The following GEN1 variants were observed in gnomAD, a reference collection of about 807,000 sequenced individuals.
GEN1 encodes the protein GEN1 structure-specific endonuclease.
In GEN1, 64 loss-of-function variants were observed where a neutral mutation model predicts 67.6. The ratio of observed to expected loss-of-function variants is 0.95; its 90% CI spans 0.77 to 1.17. The LOEUF is 1.17. Among genes scored for constraint, GEN1 ranks in the 50% most tolerant of loss-of-function variants. The pLI is 0.00. For synonymous variants in GEN1, 371 were observed against 359.4 expected, an observed-to-expected ratio of 1.03 and a Z score of -0.37; for missense variants, 1,058 against 1,048.3, an observed-to-expected ratio of 1.01 and a Z score of -0.13.
chr2:17,757,967 AATC>A, intron 1 of GEN1, among the ~76,000 whole-genome samples: 1 of 152,226 alleles, frequency 6.6e-6, no homozygotes, highest in East Asian at 1.9e-4. Flanking sequence ...CCTGAACTGT[AATC>A]ATCCCTAACA....
intron 6 of GEN1, among the ~76,000 whole-genome samples, chr2:17,769,342 T>C (rs1382944818): frequency 6.6e-6 from 1 of 151,248 alleles, no homozygotes; most frequent in African/African-American, 2.4e-5. Flanking sequence ...TTTCCCAAAG[T>C]GTTAGGATTA....
intron 7 of GEN1, among the ~76,000 whole-genome samples, chr2:17,772,423 G>T (rs1672234045): frequency 6.6e-6 from 1 of 151,976 alleles, no homozygotes. Context: ...AGTGTCATGT[G>T]ATAGTAATAG....
At chr2:17,761,370 A>T (rs750083011) in intron 2 of GEN1, 26 bp from the exon 3 acceptor site, 2 of 1,262,526 alleles carry the variant, frequency 1.6e-6, no homozygotes, top group African/African-American at 3.0e-5. Flanking sequence ...TTGATGATTA[A>T]TGTATTACTA....
chr2:17,776,653 G>A (rs6713901), intron 11 of GEN1, among the ~76,000 whole-genome samples: 27,223 of 152,176 alleles, frequency 0.18, 3,481 homozygotes, highest in African/African-American at 0.37. Context: ...AAAAAGATCA[G>A]CTATCTGATA....
rs1240306371 is a variant in GEN1, at chr2:17,765,206, ACT to A, written c.525+134_525+135del. 5 of 747,916 alleles carry A rather than the reference ACT, an allele frequency of 6.7e-6. No individual in the cohort carries two copies. In the African/African-American group the frequency reaches 9.0e-5, roughly 13 times the overall value. 46.3% of individuals were successfully genotyped at this position (747,916 alleles called of 1,614,324 possible). ...GTAGCAATTGCTAATTAAAATGCTT[ACT>A]GTTATTAAAAATCATTGCCACATAG... is the stretch of plus-strand genomic sequence containing the variant. On this transcript the variant is annotated intron_variant, in intron 4 of 13. Transcript: ENST00000381254.
In GEN1 at chr2:17,766,696, T is replaced by G. The variant is rs770678815; in HGVS notation, c.636+7T>G. On this transcript the variant is annotated splice_region_variant and intron_variant, in intron 5 of 13. Transcript: ENST00000381254. ...CTGTGATTATCTCCCAAAGGTAAGC[T>G]GAAATTGTCATATTTATTTGCTATT... 6.9e-7 allele frequency: 1 copy of G among 1,447,546 alleles called. No individual in the cohort carries two copies. The highest frequency in any genetic ancestry group is 1.4e-5 in the African/African-American group (1 of 71,348). The allele number at this position is 1,447,546 out of a possible 1,614,324, so 89.7% of individuals were successfully genotyped here.
At chr2:17,757,200 C>T (rs1480944632) in intron 1 of GEN1, among the ~76,000 whole-genome samples, 1 of 149,760 alleles carries the variant, frequency 6.7e-6, no homozygotes, top group Non-Finnish European at 1.5e-5. Flanking sequence ...GTTAAAAGCC[C>T]TCTTTATCTT....
chr2:17,780,083 A>G lies in GEN1; in HGVS notation c.1370A>G (p.Gln457Arg). 1 of 1,611,754 alleles carries G rather than the reference A, an allele frequency of 6.2e-7. No individual in the cohort carries two copies. Among genetic ancestry groups the G allele is most frequent in the East Asian group, 2.2e-5 (1 of 44,804 alleles). ...TATCCTGAGATCGTTGCTGTTTACCAAAAACAAAAGTTAGAAATTAAAGGG... is the reference window on the plus strand; with the variant it reads ...TATCCTGAGATCGTTGCTGTTTACCGAAAACAAAAGTTAGAAATTAAAGGG... ...AAYPEIVAVY[Q>R]KQKLEIKGKK... Residue 457 changes from glutamine to arginine, a missense_variant, in exon 13 of 14, where the codon CAA becomes CGA. Gln to Arg is a conservative substitution (Grantham distance 43). Coordinates refer to ENST00000381254, the MANE Select transcript of GEN1 (RefSeq NM_001130009.3).
chr2:17,778,199 TA>T, intron 12 of GEN1, 136 bp downstream of exon 12: 2 of 120,782 alleles, frequency 1.7e-5, no homozygotes, highest in South Asian at 3.8e-4. Context: ...CACACACACA[TA>T]TATGTGTATA....
chr2:17,776,094 T>C (rs1183290199), intron 11 of GEN1, among the ~76,000 whole-genome samples: 14 of 127,344 alleles, frequency 1.1e-4, no homozygotes, highest in African/African-American at 4.1e-4. Context: ...CCAAACTTGG[T>C]GACAGAGTGA....
Position 17,786,135 on chromosome 2 carries a change from T to G in GEN1, c.*4196T>G, listed in dbSNP as rs1233225388. 1 of 152,196 alleles carries G rather than the reference T, an allele frequency of 6.6e-6. No homozygotes were observed. 9.4% of individuals were successfully genotyped at this position (152,196 alleles called of 1,614,324 possible). A position where few individuals can be genotyped will look rare whatever the true frequency, so the allele number is the denominator to read the frequency against. ...ATTGTGCTGGGCCCTGGAGATACAG[T>G]GATCAATGGCATCCTATAAGGTTTT... On this transcript the variant is annotated 3_prime_UTR_variant, in exon 14 of 14. Coordinates refer to ENST00000381254, the MANE Select transcript of GEN1 (RefSeq NM_001130009.3).
chr2:17,765,885 A>G (rs531591030), intron 4 of GEN1, among the ~76,000 whole-genome samples: 2 of 152,044 alleles, frequency 1.3e-5, no homozygotes, highest in Admixed American at 1.3e-4. Context: ...TTTTGGAAGA[A>G]TATGCACCAA....
intron 6 of GEN1, among the ~76,000 whole-genome samples, chr2:17,770,261 AATT>A: frequency 6.6e-6 from 1 of 152,292 alleles, no homozygotes; most frequent in Middle Eastern, 3.4e-3. Flanking sequence ...TTTATTTTAT[AATT>A]ATCTATTATT....
At chr2:17,778,234 G>GTATACACACACACATA (rs1322526838) in intron 12 of GEN1, among the ~76,000 whole-genome samples, 171 bp downstream of exon 12, 1 of 143,306 alleles carries the variant, frequency 7.0e-6, no homozygotes, top group Non-Finnish European at 1.5e-5. Context: ...ACACATATAT[G>GTATACACACACACATA]TGTGTACATA....
rs73918903 is a variant in GEN1 at position 17,787,266 on chromosome 2, G to T, written c.*5327G>T. The T allele has an allele frequency of 6.6e-6, 1 of 152,014 alleles. No homozygotes were observed. The highest frequency in any genetic ancestry group is 1.5e-5 in the Non-Finnish European group (1 of 68,040). The allele number at this position is 152,014 out of a possible 1,614,324, so 9.4% of individuals were successfully genotyped here. On this transcript the variant is annotated 3_prime_UTR_variant, in exon 14 of 14. Transcript: ENST00000381254. ...CCACAAATATTAGCTGATGCCTGCC[G>T]TGTAGGAGGCACAATATTCCTTACT...
rs889226506 is a variant in GEN1 at position 17,764,526 on chromosome 2, T to C, written c.349-371T>C. Among the ~76,000 whole-genome samples, 3 of 152,332 alleles carry C rather than the reference T, an allele frequency of 2.0e-5. No individual in the cohort carries two copies. The South Asian group carries it at 6.2e-4, about 32-fold the overall frequency. ...ACACAAAAGTAACCCATCACTAATC[T>C]TAAACCATTATCTTGGCTCATCTTG... is the stretch of plus-strand genomic sequence containing the variant. On this transcript the variant is annotated intron_variant, in intron 3 of 13. Coordinates refer to ENST00000381254, the MANE Select transcript of GEN1 (RefSeq NM_001130009.3).
At chr2:17,778,216 G>GTA (rs1672564110) in intron 12 of GEN1, among the ~76,000 whole-genome samples, 153 bp downstream of exon 12, 6 of 136,242 alleles carry the variant, frequency 4.4e-5, no homozygotes, top group African/African-American at 1.7e-4. Flanking sequence ...GTATATATAT[G>GTA]TATACACACA....
In GEN1 at chr2:17,785,228, C is replaced by CA. The variant is rs530003672; in HGVS notation, c.*3289_*3290insA. On this transcript the variant is annotated 3_prime_UTR_variant, in exon 14 of 14. Coordinates refer to ENST00000381254, the MANE Select transcript of GEN1 (RefSeq NM_001130009.3). ...GAAAGGTTGGGGACTGCTGATATAC[C>CA]TAATATAGGCATAAGTGTAAAATTA... 4.4e-4 allele frequency: 67 copies of CA among 152,336 alleles called. No homozygotes were observed. Among genetic ancestry groups the CA allele is most frequent in the African/African-American group, 1.4e-3 (60 of 41,560 alleles). 9.4% of individuals were successfully genotyped at this position (152,336 alleles called of 1,614,324 possible).
In GEN1 at chr2:17,781,964, T is replaced by G. The variant is rs1204217921; in HGVS notation, c.*25T>G. On this transcript the variant is annotated 3_prime_UTR_variant, in exon 14 of 14. Coordinates refer to ENST00000381254, the MANE Select transcript of GEN1 (RefSeq NM_001130009.3). Reference sequence around the variant, plus strand: ...AAATTTAAAACACTTAGGTATAACTTAACTATTTTAGTACTATCAGCAATA... The same window carrying G: ...AAATTTAAAACACTTAGGTATAACTGAACTATTTTAGTACTATCAGCAATA... 7.6e-7 allele frequency: 1 copy of G among 1,314,924 alleles called. No homozygotes were observed. The highest frequency in any genetic ancestry group is 2.3e-5 in the Admixed American group (1 of 42,926). The allele number at this position is 1,314,924 out of a possible 1,614,324, so 81.5% of individuals were successfully genotyped here.
Sources: gnomAD v4.1 joint callset for allele counts (sites outside exome capture counted in the v4.1 genomes callset) on GRCh38, gnomAD v4.1.1 for gene constraint, MANE v1.5 for transcripts, NCBI Gene and HGNC (gene_info 2026-07-23, HGNC 2026-07-21) for gene names.